Variants in SH3RF1 observed in about 807,000 individuals in gnomAD.
SH3RF1 encodes SH3 domain containing ring finger 1, also known as E3 ubiquitin-protein ligase SH3RF1.
A neutral mutation model predicts 74.0 loss-of-function variants in SH3RF1; 32 were observed. The observed-to-expected ratio is 0.43, with a 90% CI of 0.33 to 0.58. The LOEUF is 0.58. Among genes scored for constraint, SH3RF1 ranks in the 20% least tolerant of loss-of-function variants. The probability of loss-of-function intolerance (pLI) is 0.05; values close to 1 mark genes in which losing one functional copy is unlikely to be tolerated. For synonymous variants in SH3RF1, 396 were observed against 439.6 expected, an observed-to-expected ratio of 0.90 and a Z score of 1.24; for missense variants, 954 against 1,130.9, an observed-to-expected ratio of 0.84 and a Z score of 2.24.
At chr4:169,177,790 A>G (rs1160299229) in intron 2 of SH3RF1, among the ~76,000 whole-genome samples, 4 of 152,172 alleles carry the variant, frequency 2.6e-5, no homozygotes, top group Non-Finnish European at 5.9e-5. Flanking sequence ...GAAAGATCTT[A>G]TATGTAGGTA....
Position 169,130,161 on chromosome 4 carries a change from C to T in SH3RF1, c.1069-5G>A, listed in dbSNP as rs571391939. The stretch of plus-strand genomic sequence containing the variant: ...CCCGGTGGTACTTATATGAACCTGC[C>T]GAGAAAAGAAAAGTTATTAAAAAGA... On this transcript the variant is annotated splice_polypyrimidine_tract_variant and splice_region_variant and intron_variant, in intron 5 of 11. Transcript: ENST00000284637. 1.5e-4 allele frequency: 235 copies of T among 1,535,214 alleles called. 3 individuals are homozygous for T. In the South Asian group the frequency reaches 2.3e-3, roughly 15 times the overall value.
intron 10 of SH3RF1, among the ~76,000 whole-genome samples, chr4:169,108,688 T>G (rs756335061): frequency 6.6e-6 from 1 of 152,248 alleles, no homozygotes. Context: ...GCTGATCTTA[T>G]GCGCTTTCGC....
intron 2 of SH3RF1, among the ~76,000 whole-genome samples, chr4:169,208,197 C>G (rs891966185): frequency 5.3e-5 from 8 of 151,394 alleles, no homozygotes; most frequent in Admixed American, 3.9e-4. Context: ...CACTAACCCT[C>G]CTTCATCCCC....
Position 169,136,375 on chromosome 4 carries a change from G to A in SH3RF1, c.1011C>T (p.Pro337=), listed in dbSNP as rs747790343. 7 of 1,580,398 alleles carry A rather than the reference G, an allele frequency of 4.4e-6. No individual in the cohort carries two copies. The Admixed American group carries it at 1.3e-4, about 29-fold the overall frequency. Residue 337 remains proline, a synonymous_variant, in exon 5 of 12, where the codon CCC becomes CCT. Transcript: ENST00000284637. ...SPPVLISSSN[P]TAAARISELS... is the part of the protein sequence containing the mutation. ...GCTCGCTGATCCGTGCAGCAGCAGT[G>A]GGGTTGCTGGAGCTGATGAGGACAG... is the stretch of plus-strand genomic sequence containing the variant.
intron 2 of SH3RF1, among the ~76,000 whole-genome samples, chr4:169,250,788 T>C (rs1485891531): frequency 4.6e-5 from 7 of 151,788 alleles, no homozygotes; most frequent in South Asian, 2.1e-4. Flanking sequence ...GGCTAGAAGA[T>C]TGGCAGTAGA....
At chr4:169,110,631 A>T (rs966260600) in intron 10 of SH3RF1, among the ~76,000 whole-genome samples, 1 of 152,104 alleles carries the variant, frequency 6.6e-6, no homozygotes, top group Non-Finnish European at 1.5e-5. Flanking sequence ...TGAATAAAAG[A>T]ACAATAGGAA....
chr4:169,164,320 A>G (rs1434581748), intron 2 of SH3RF1, among the ~76,000 whole-genome samples: 2 of 152,184 alleles, frequency 1.3e-5, no homozygotes, highest in Non-Finnish European at 2.9e-5. Flanking sequence ...TAAGGTGTGG[A>G]TAGGTTAAGT....
intron 5 of SH3RF1, among the ~76,000 whole-genome samples, chr4:169,132,757 C>T (rs1385570492): frequency 6.6e-6 from 1 of 152,004 alleles, no homozygotes; most frequent in Non-Finnish European, 1.5e-5. Context: ...TACAAAGATG[C>T]CATAGAAACA....
chr4:169,253,399 G>A (rs1731135743), intron 2 of SH3RF1, among the ~76,000 whole-genome samples: 1 of 152,194 alleles, frequency 6.6e-6, no homozygotes, highest in South Asian at 2.1e-4. Context: ...CAATCACAGA[G>A]AATCCAGCCT....
chr4:169,161,855 A>C (rs995528535), intron 2 of SH3RF1, among the ~76,000 whole-genome samples: 1 of 152,260 alleles, frequency 6.6e-6, no homozygotes, highest in Non-Finnish European at 1.5e-5. Flanking sequence ...AGTAAGAAGT[A>C]GAAAAATGGG....
intron 3 of SH3RF1, 78 bp downstream of exon 3, chr4:169,156,326 C>A: frequency 7.0e-7 from 1 of 1,429,524 alleles, no homozygotes. Flanking sequence ...TTGCAAAAGG[C>A]AACACGAGCT....
chr4:169,188,787 A>G (rs960661733), intron 2 of SH3RF1, among the ~76,000 whole-genome samples: 3 of 152,226 alleles, frequency 2.0e-5, no homozygotes, highest in Non-Finnish European at 4.4e-5. Flanking sequence ...AATTTCTTCC[A>G]TACTCCCTCT....
chr4:169,183,278 C>A (rs1394528952), intron 2 of SH3RF1, among the ~76,000 whole-genome samples: 1 of 152,152 alleles, frequency 6.6e-6, no homozygotes, highest in African/African-American at 2.4e-5. Context: ...CTAGCCTGGG[C>A]AACAGAGCAA....
At chr4:169,180,194 T>G (rs1405356870) in intron 2 of SH3RF1, among the ~76,000 whole-genome samples, 3 of 152,208 alleles carry the variant, frequency 2.0e-5, no homozygotes, top group Non-Finnish European at 4.4e-5. Context: ...TCCTTTCCAA[T>G]TTCTAATACA....
chr4:169,249,769 G>A (rs993706968), intron 2 of SH3RF1, among the ~76,000 whole-genome samples: 1 of 152,176 alleles, frequency 6.6e-6, no homozygotes, highest in African/African-American at 2.4e-5. Context: ...TTAAAGTACA[G>A]TAACTGTGAG....
intron 2 of SH3RF1, among the ~76,000 whole-genome samples, chr4:169,209,008 G>C (rs770780723): frequency 5.3e-5 from 8 of 152,306 alleles, no homozygotes; most frequent in Middle Eastern, 3.4e-3. Context: ...GAGGCAGTAG[G>C]ACAGGGCGTG....
intron 8 of SH3RF1, among the ~76,000 whole-genome samples, chr4:169,118,631 A>G (rs1733384499): frequency 6.6e-6 from 1 of 151,596 alleles, no homozygotes; most frequent in African/African-American, 2.4e-5. Context: ...ACTTTTTTGT[A>G]TTTTTAGTAG....
chr4:169,122,124 A>C lies in SH3RF1; in HGVS notation c.1322T>G (p.Leu441Ter). Reference sequence around the variant, plus strand: ...CACACTGGGGCGAGTCTGCGGCCGTAAATGTGCAATCTGGTCAGTGGATCC... The same window carrying C: ...CACACTGGGGCGAGTCTGCGGCCGTCAATGTGCAATCTGGTCAGTGGATCC... ...MAGSTDQIAHLRPQTRPSVYV... is the reference protein window; with the variant it reads ...MAGSTDQIAH Residue 441 changes from leucine to a stop codon, truncating the protein, a stop_gained, in exon 7 of 12, where the codon TTA (leucine) becomes TGA (stop). Transcript: ENST00000284637. LOFTEE classifies it high-confidence loss of function. The C allele has an allele frequency of 6.2e-7, 1 of 1,612,904 alleles. No individual in the cohort carries two copies. The highest frequency in any genetic ancestry group is 8.5e-7 in the Non-Finnish European group (1 of 1,180,010).
intron 2 of SH3RF1, among the ~76,000 whole-genome samples, chr4:169,259,130 C>A (rs1296300878): frequency 6.6e-6 from 1 of 152,092 alleles, no homozygotes; most frequent in East Asian, 1.9e-4. Context: ...AAAATTCACT[C>A]CTGTTCATTC....
Sources: gnomAD v4.1 joint callset for allele counts (sites outside exome capture counted in the v4.1 genomes callset) on GRCh38, gnomAD v4.1.1 for gene constraint, MANE v1.5 for transcripts, NCBI Gene and HGNC (gene_info 2026-07-23, HGNC 2026-07-21) for gene names.